The following PCDH9 variants were observed in gnomAD, a reference collection of about 807,000 sequenced individuals.
The protein encoded by PCDH9 is protocadherin 9, also known as protocadherin-9.
A neutral mutation model predicts 70.6 loss-of-function variants in PCDH9; 24 were observed. The observed-to-expected ratio is 0.34, with a 90% CI of 0.25 to 0.48. PCDH9 has a LOEUF of 0.48. PCDH9 is among the 20% of genes least tolerant of loss of function. The pLI, the probability that PCDH9 is intolerant of heterozygous loss-of-function variation, is 0.99. For synonymous variants in PCDH9, 562 were observed against 558.5 expected (o/e 1.01, Z -0.09); for missense variants, 1,281 against 1,503.6 (o/e 0.85, Z 2.45).
chr13:66,994,393 T>C (rs1344576699), intron 2 of PCDH9, among the ~76,000 whole-genome samples: 3 of 152,178 alleles, frequency 2.0e-5, no homozygotes, highest in Non-Finnish European at 4.4e-5. Flanking sequence ...TAGCGTGCCC[T>C]ACTGGCCAAA....
At chr13:66,779,866 T>TATATATATAC (rs1336725254) in intron 3 of PCDH9, among the ~76,000 whole-genome samples, 12 of 71,746 alleles carry the variant, frequency 1.7e-4, no homozygotes, top group African/African-American at 2.9e-4. Flanking sequence ...TATATATATA[T>TATATATATAC]ACATATATGT....
rs564595674 is a variant in PCDH9 at position 66,340,724 on chromosome 13, C to T, written c.3341-35696G>A. On this transcript the variant is annotated intron_variant, in intron 4 of 4. Coordinates refer to ENST00000377865, the MANE Select transcript of PCDH9 (RefSeq NM_203487.3). The stretch of plus-strand genomic sequence containing the variant: ...TAGCCACAGGCACTATCTGATTCTC[C>T]ATTATACAAAGAGGTGAGGTGTTCT... Among the ~76,000 whole-genome samples, 3 of 152,292 alleles carry T rather than the reference C, an allele frequency of 2.0e-5. No individual in the cohort carries two copies. The East Asian group carries it at 5.8e-4, about 29-fold the overall frequency.
At chr13:67,164,616 T>C (rs773336280) in intron 2 of PCDH9, among the ~76,000 whole-genome samples, 16 of 151,888 alleles carry the variant, frequency 1.1e-4, no homozygotes, top group Non-Finnish European at 5.9e-5. Flanking sequence ...GACTATAACA[T>C]TTGACTCCAG....
At chr13:66,469,876 T>C (rs577348646) in intron 4 of PCDH9, among the ~76,000 whole-genome samples, 5 of 152,288 alleles carry the variant, frequency 3.3e-5, no homozygotes, top group African/African-American at 1.2e-4. Flanking sequence ...TGTCTGTAAC[T>C]GATAAAGAAA....
intron 2 of PCDH9, among the ~76,000 whole-genome samples, chr13:67,033,895 G>C (rs755593484): frequency 2.0e-5 from 3 of 152,208 alleles, no homozygotes; most frequent in Non-Finnish European, 4.4e-5. Context: ...ACGGAAGACA[G>C]TGAGGATGAG....
chr13:66,334,148 CTG>C (rs1955990224), intron 4 of PCDH9, among the ~76,000 whole-genome samples: 1 of 152,052 alleles, frequency 6.6e-6, no homozygotes, highest in African/African-American at 2.4e-5. Flanking sequence ...TTCTATCAAA[CTG>C]TGTTTCTTTA....
intron 2 of PCDH9, among the ~76,000 whole-genome samples, chr13:67,074,220 G>A (rs187451438): frequency 8.7e-4 from 133 of 152,136 alleles, no homozygotes; most frequent in African/African-American, 3.0e-3. Flanking sequence ...GGAGGTGGGG[G>A]TTTTTGTAGG....
chr13:66,739,773 T>C (rs2139196912), intron 3 of PCDH9, among the ~76,000 whole-genome samples: 1 of 143,740 alleles, frequency 7.0e-6, no homozygotes, highest in South Asian at 2.4e-4. Context: ...AAGGGATCAA[T>C]TCAACAAGAG....
At chr13:66,744,264 C>A (rs1401033766) in intron 3 of PCDH9, among the ~76,000 whole-genome samples, 1 of 151,934 alleles carries the variant, frequency 6.6e-6, no homozygotes, top group Non-Finnish European at 1.5e-5. Flanking sequence ...ACTTTATGAC[C>A]AGATGAAGAT....
rs192162703 is a variant in PCDH9 at position 66,932,606 on chromosome 13, G to C, written c.3037-29001C>G. 3.4e-5 allele frequency among the ~76,000 whole-genome samples: 5 copies of C among 147,228 alleles called. No homozygotes were observed. In the East Asian group the frequency reaches 9.9e-4, roughly 29 times the overall value. On this transcript the variant is annotated intron_variant, in intron 2 of 4. Transcript: ENST00000377865. ...CCGAATCATTCACTTTTGAAAGTTTGGGGGAAAAAAAAACTTTTTATTTTT... is the reference window on the plus strand; with the variant it reads ...CCGAATCATTCACTTTTGAAAGTTTCGGGGAAAAAAAAACTTTTTATTTTT...
intron 2 of PCDH9, among the ~76,000 whole-genome samples, chr13:67,082,170 A>G (rs73212705): frequency 2.3e-3 from 351 of 152,332 alleles, no homozygotes; most frequent in Non-Finnish European, 4.2e-3. Flanking sequence ...TGTTAGCTAT[A>G]GGCAATACAG....
At chr13:66,907,041 T>C (rs560533607) in intron 2 of PCDH9, among the ~76,000 whole-genome samples, 1 of 152,040 alleles carries the variant, frequency 6.6e-6, no homozygotes, top group Non-Finnish European at 1.5e-5. Context: ...CCCCGTCTAC[T>C]GAAAATATAA....
intron 4 of PCDH9, among the ~76,000 whole-genome samples, chr13:66,471,977 G>A (rs953629403): frequency 2.0e-5 from 3 of 152,084 alleles, no homozygotes; most frequent in Admixed American, 1.3e-4. Context: ...TTGGGAGGCC[G>A]AGGCGGGCGG....
At chr13:66,368,275 C>T (rs1956585971) in intron 4 of PCDH9, among the ~76,000 whole-genome samples, 1 of 151,726 alleles carries the variant, frequency 6.6e-6, no homozygotes, top group Admixed American at 6.6e-5. Context: ...AGTTTGTGTT[C>T]CTTTTACCAA....
intron 2 of PCDH9, among the ~76,000 whole-genome samples, chr13:67,041,856 A>G (rs1018418140): frequency 6.6e-6 from 1 of 151,880 alleles, no homozygotes; most frequent in Admixed American, 6.6e-5. Context: ...AAGAAAAAAG[A>G]AATACTGGCT....
At chr13:67,064,165 A>C (rs1406134671) in intron 2 of PCDH9, among the ~76,000 whole-genome samples, 2 of 152,112 alleles carry the variant, frequency 1.3e-5, no homozygotes, top group Non-Finnish European at 2.9e-5. Context: ...GATATTAGAA[A>C]ACAGTAGACT....
chr13:67,064,355 A>G (rs985073854), intron 2 of PCDH9, among the ~76,000 whole-genome samples: 1 of 152,178 alleles, frequency 6.6e-6, no homozygotes, highest in Non-Finnish European at 1.5e-5. Context: ...TGCATTTTAT[A>G]GAGACAATCA....
chr13:66,346,717 A>T (rs1956217818), intron 4 of PCDH9, among the ~76,000 whole-genome samples: 1 of 152,122 alleles, frequency 6.6e-6, no homozygotes, highest in African/African-American at 2.4e-5. Context: ...AGAGGGCAGG[A>T]GCTATATCAT....
intron 2 of PCDH9, among the ~76,000 whole-genome samples, chr13:67,160,450 G>A (rs1274759558): frequency 2.0e-5 from 3 of 152,114 alleles, no homozygotes; most frequent in Non-Finnish European, 4.4e-5. Flanking sequence ...GGGAGACTGA[G>A]GCAGGAGAGT....
Sources: allele counts gnomAD v4.1 joint callset (sites outside exome capture counted in the v4.1 genomes callset), GRCh38; gene constraint gnomAD v4.1.1; transcripts MANE v1.5; gene names NCBI Gene and HGNC (gene_info 2026-07-23, HGNC 2026-07-21).